SLC19A1: variants seen among roughly 807,000 people sequenced by gnomAD.
SLC19A1 encodes the protein solute carrier family 19 member 1.
Under a neutral mutation model 35.3 loss-of-function variants are expected in SLC19A1, and 37 were observed. The observed-to-expected ratio is 1.05, with a 90% confidence interval of 0.81 to 1.38. SLC19A1 has a LOEUF of 1.38. Among genes scored for constraint, SLC19A1 ranks in the 40% most tolerant of loss-of-function variants. SLC19A1 has a pLI of 0.00. For synonymous variants in SLC19A1, 460 were observed against 398.5 expected, an observed-to-expected ratio of 1.15 and a Z score of -1.84; for missense variants, 831 against 826.9, an observed-to-expected ratio of 1.00 and a Z score of -0.06.
At position 45,534,944 on chromosome 21, in the gene SLC19A1, G is replaced by T. The variant is rs761888737; in HGVS notation, c.190-2796C>A. On this transcript the variant is annotated intron_variant, in intron 2 of 5. Transcript: ENST00000311124. The surrounding 1 kb of genome is among the most constrained non-coding windows in gnomAD (Gnocchi z 4.2). Reference sequence around the variant, plus strand: ...TTGGGGTCCAGGCTGAATGGGCAGAGTGCAGGCAGCTGCGCCCAAATCTAC... The same window carrying T: ...TTGGGGTCCAGGCTGAATGGGCAGATTGCAGGCAGCTGCGCCCAAATCTAC... Among the ~76,000 whole-genome samples the T allele has an allele frequency of 6.6e-6, 1 of 152,288 alleles. No individual in the cohort carries two copies. Among genetic ancestry groups the T allele is most frequent in the Non-Finnish European group, 1.5e-5 (1 of 68,050 alleles).
intron 3 of SLC19A1, chr21:45,504,518 CCAGGCCCCCCAGGCCCA>C (rs1179352929): frequency 7.9e-5 from 1 of 12,718 alleles, no homozygotes; most frequent in East Asian, 0.015. Flanking sequence ...CCCCGGCCCC[CCAGGCCCCCCAGGCCCA>C]CGTGGCTACC....
chr21:45,512,202 T>C (rs1387464460), downstream of SLC19A1: 1 of 1,612,202 alleles, frequency 6.2e-7, no homozygotes, highest in African/African-American at 1.3e-5. Flanking sequence ...CAGAAGAGCG[T>C]GTGGCATGGC....
downstream of SLC19A1, chr21:45,512,488 C>A: frequency 1.6e-6 from 2 of 1,239,662 alleles, no homozygotes; most frequent in Non-Finnish European, 1.2e-6. Context: ...GCCCCTGGCC[C>A]CAGGACCTGG....
chr21:45,507,340 T>C, intron 3 of SLC19A1: 1 of 593,716 alleles, frequency 1.7e-6, no homozygotes, highest in South Asian at 1.8e-5. Context: ...GGCCGGGTGC[T>C]GGGCAGGGAG....
intron 3 of SLC19A1, chr21:45,505,239 C>T: frequency 1.2e-6 from 2 of 1,602,624 alleles, no homozygotes; most frequent in South Asian, 1.1e-5. Flanking sequence ...CCCCCCAGGC[C>T]CCCCAGGGCC....
At chr21:45,551,869 C>T (rs2078469220) in intron 1 of SLC19A1, among the ~76,000 whole-genome samples, 2 of 152,236 alleles carry the variant, frequency 1.3e-5, no homozygotes, top group South Asian at 2.1e-4. Flanking sequence ...TGAAGGGCCC[C>T]GCCGTGACTG....
chr21:45,553,322 C>T (rs1176420273), intron 1 of SLC19A1, among the ~76,000 whole-genome samples: 1 of 151,984 alleles, frequency 6.6e-6, no homozygotes, highest in African/African-American at 2.4e-5. Context: ...CGACTCCAGG[C>T]CACATCCTCC....
intron 1 of SLC19A1, among the ~76,000 whole-genome samples, chr21:45,553,254 G>T (rs999151385): frequency 2.0e-5 from 3 of 151,966 alleles, no homozygotes; most frequent in East Asian, 3.9e-4. Flanking sequence ...GGCCTAAGGG[G>T]ACGGGAGCCG....
rs1464798683 is a variant in SLC19A1, at chr21:45,534,780, C to T, written c.190-2632G>A. On this transcript the variant is annotated intron_variant, in intron 2 of 5. Transcript: ENST00000311124. The surrounding 1 kb of genome is among the most constrained non-coding windows in gnomAD (Gnocchi z 4.2). The stretch of plus-strand genomic sequence containing the variant: ...GCCCAGAGCTGTGACCTGCGTCCCA[C>T]TTACAAGGCTGCTGGGGGAGGGGCC... 3.4e-6 allele frequency: 2 copies of T among 593,150 alleles called. No individual in the cohort carries two copies. Among genetic ancestry groups the T allele is most frequent in the Non-Finnish European group, 5.9e-6 (2 of 336,468 alleles). 36.7% of individuals were successfully genotyped at this position (593,150 alleles called of 1,614,324 possible).
At chr21:45,523,072 C>T (rs1157711328) in intron 5 of SLC19A1, among the ~76,000 whole-genome samples, 1 of 121,424 alleles carries the variant, frequency 8.2e-6, no homozygotes, top group Non-Finnish European at 1.8e-5. Flanking sequence ...GCAGGCAAAC[C>T]CAGGCAAGCT....
intron 1 of SLC19A1, among the ~76,000 whole-genome samples, chr21:45,549,931 C>G (rs942310594): frequency 2.0e-5 from 3 of 152,028 alleles, no homozygotes; most frequent in Non-Finnish European, 4.4e-5. Context: ...ACATCTTGTC[C>G]CCACAGAGAC....
chr21:45,509,062 C>T (rs17004783), downstream of SLC19A1, among the ~76,000 whole-genome samples: 4,352 of 152,156 alleles, frequency 0.029, 161 homozygotes, highest in African/African-American at 0.086. Context: ...ATTGGAGCCG[C>T]GGCAAAGGAG....
intron 5 of SLC19A1, among the ~76,000 whole-genome samples, chr21:45,523,788 C>T (rs184042062): frequency 2.6e-5 from 4 of 152,208 alleles, no homozygotes; most frequent in African/African-American, 7.2e-5. Flanking sequence ...CTGGGACGGG[C>T]ACTCCCTGCC....
rs759065618 is a variant in SLC19A1, at chr21:45,537,985, G to C, written c.-26C>G. On this transcript the variant is annotated 5_prime_UTR_variant, in exon 2 of 6. Transcript: ENST00000311124. ...CCTGCTCAGGCCACGTGCAGCTCCG[G>C]AGGGGACGAAGGTGACGCTGTGCCT... 22 of 1,492,264 alleles carry C rather than the reference G, an allele frequency of 1.5e-5. No homozygotes were observed. Among genetic ancestry groups the C allele is most frequent in the Non-Finnish European group, 2.0e-5 (22 of 1,118,570 alleles). 92.4% of individuals were successfully genotyped at this position (1,492,264 alleles called of 1,614,324 possible). A position where few individuals can be genotyped will look rare whatever the true frequency, so the allele number is the denominator to read the frequency against.
At chr21:45,531,358 G>A (rs770575818) in intron 3 of SLC19A1, 31 bp downstream of exon 3, 66 of 1,541,962 alleles carry the variant, frequency 4.3e-5, no homozygotes, top group Non-Finnish European at 4.9e-5. Flanking sequence ...GCCTCTGCGG[G>A]AAGAAGCCTC....
At chr21:45,510,004 G>T, downstream of SLC19A1, 2 of 1,517,236 alleles carry the variant, frequency 1.3e-6, no homozygotes, top group South Asian at 1.2e-5. Context: ...TGGTGCGCCC[G>T]GGGCCTGGGT....
rs1242217199 is a variant in SLC19A1 at position 45,527,474 on chromosome 21, G to A, written c.1152-1516C>T. Among the ~76,000 whole-genome samples the A allele has an allele frequency of 2.1e-5, 3 of 141,700 alleles. No homozygotes were observed. In the East Asian group the frequency reaches 6.7e-4, roughly 32 times the overall value. The allele number at this position is 141,700 out of a possible 152,430, so 93.0% of individuals were successfully genotyped here. A position where few individuals can be genotyped will look rare whatever the true frequency, so the allele number is the denominator to read the frequency against. ...GCAGCCAGGCAGGGCGGGCCCTGGA[G>A]GTGAGTGGCAGTCAGTTACTGCGGG... On this transcript the variant is annotated intron_variant, in intron 4 of 5. Transcript: ENST00000311124.
intron 3 of SLC19A1, chr21:45,506,958 T>TC: frequency 7.6e-6 from 2 of 264,342 alleles, no homozygotes; most frequent in Non-Finnish European, 1.5e-5. Flanking sequence ...GCCCACTGTG[T>TC]GCCAGGTGTG....
rs1041015492 is a variant in SLC19A1, at chr21:45,531,978, C to G, written c.360G>C (p.Gln120His). ...TGACGCTGTAGAAGAGCTCCATGAG[C>G]TGCATGTGCGCCACCGAGTGGCCCA... ...LLLGHSVAHM[Q>H]LMELFYSVTM... Residue 120 changes from glutamine (Q) to histidine (H), a missense_variant, in exon 3 of 6, where the codon CAG becomes CAC. Coordinates refer to ENST00000311124, the MANE Select transcript of SLC19A1 (RefSeq NM_194255.4). 7 of 1,609,842 alleles carry G rather than the reference C, an allele frequency of 4.3e-6. No individual in the cohort carries two copies. The highest frequency in any genetic ancestry group is 5.9e-6 in the Non-Finnish European group (7 of 1,179,404).
Sources: allele counts gnomAD v4.1 joint callset (sites outside exome capture counted in the v4.1 genomes callset), GRCh38; gene constraint gnomAD v4.1.1; non-coding constraint Gnocchi (gnomAD v3.1); transcripts MANE v1.5; gene names NCBI Gene and HGNC (gene_info 2026-07-23, HGNC 2026-07-21).